Variants in GCKR observed in about 807,000 individuals in gnomAD.
GCKR encodes glucokinase regulatory protein.
A neutral mutation model predicts 82.9 loss-of-function variants in GCKR; 73 were observed. That is an observed-to-expected ratio of 0.88 (90% CI 0.73 to 1.07). The LOEUF (loss-of-function observed/expected upper bound fraction) is 1.07. Among genes scored for constraint, GCKR ranks in the 50% least tolerant of loss-of-function variants. GCKR has a pLI of 0.00. For synonymous variants in GCKR, 294 were observed against 291.8 expected, an observed-to-expected ratio of 1.01 and a Z score of -0.08; for missense variants, 784 against 782.1, an observed-to-expected ratio of 1.00 and a Z score of -0.03.
At chr2:27,497,195 G>C in intron 1 of GCKR, 49 bp from the exon 2 acceptor site, 1 of 1,610,166 alleles carries the variant, frequency 6.2e-7, no homozygotes, top group Non-Finnish European at 8.5e-7. Context: ...CAGCAGGCAT[G>C]AATGAGGCTT....
intron 16 of GCKR, among the ~76,000 whole-genome samples, chr2:27,517,677 G>A (rs1037240606): frequency 2.6e-5 from 4 of 152,078 alleles, no homozygotes; most frequent in African/African-American, 7.2e-5. Flanking sequence ...CCTTTACTGG[G>A]CCCCAGTTTC....
rs374733265 is a variant in GCKR, at chr2:27,523,206, G to A, written c.1708-63G>A. ...GAGCCACTGCGCCCGACCTTCCTCC[G>A]GGGTTCTTTCTCTGATGACCTCATT... On this transcript the variant is annotated intron_variant, in intron 18 of 18. Transcript: ENST00000264717. The A allele has an allele frequency of 4.9e-5, 71 of 1,441,260 alleles. No individual in the cohort carries two copies. The Admixed American group carries it at 5.2e-4, about 11-fold the overall frequency. The allele number at this position is 1,441,260 out of a possible 1,614,324, so 89.3% of individuals were successfully genotyped here.
chr2:27,506,680 A>C, intron 11 of GCKR, 101 bp downstream of exon 11: 1 of 1,094,326 alleles, frequency 9.1e-7, no homozygotes, highest in South Asian at 1.2e-5. Flanking sequence ...GGGCGATAGG[A>C]TTGCATGTTG....
intron 7 of GCKR, among the ~76,000 whole-genome samples, chr2:27,500,270 A>G (rs572851590): frequency 1.3e-5 from 2 of 151,980 alleles, no homozygotes; most frequent in Non-Finnish European, 2.9e-5. Context: ...TTGTATTTTC[A>G]GTAGAGACAG....
At chr2:27,511,597 G>A (rs1669882991) in intron 16 of GCKR, among the ~76,000 whole-genome samples, 1 of 151,852 alleles carries the variant, frequency 6.6e-6, no homozygotes, top group South Asian at 2.1e-4. Context: ...TAGTCGGGAG[G>A]CTGAGGCAGG....
intron 3 of GCKR, 105 bp from the exon 4 acceptor site, chr2:27,498,150 G>A: frequency 1.2e-6 from 1 of 867,850 alleles, no homozygotes. Context: ...TGAGAGGAGG[G>A]ATAAGGAGTC....
chr2:27,520,588 T>C (rs536254242), intron 17 of GCKR, among the ~76,000 whole-genome samples: 2 of 152,372 alleles, frequency 1.3e-5, no homozygotes, highest in East Asian at 3.8e-4. Context: ...CACATGTGGC[T>C]ATTGAGCACT....
intron 13 of GCKR, 181 bp from the exon 14 acceptor site, chr2:27,507,500 A>G (rs185580150): frequency 1.5e-6 from 1 of 680,084 alleles, no homozygotes; most frequent in Non-Finnish European, 2.6e-6. Context: ...CCAGTCCCCA[A>G]ACTTGGCCCT....
Position 27,512,593 on chromosome 2 carries a change from G to C in GCKR, c.1422+4342G>C, listed in dbSNP as rs532027580. Among the ~76,000 whole-genome samples, 47 of 151,640 alleles carry C rather than the reference G, an allele frequency of 3.1e-4. No homozygotes were observed. The South Asian group carries it at 9.8e-3, about 32-fold the overall frequency. On this transcript the variant is annotated intron_variant, in intron 16 of 18. Transcript: ENST00000264717. The stretch of plus-strand genomic sequence containing the variant: ...CCTGATATGTTATACTAATTACTTT[G>C]GTATGTGTCCTCTAAGAACAAGGGC...
chr2:27,499,037 A>G (rs1669500250), intron 5 of GCKR, 105 bp from the exon 6 acceptor site: 3 of 782,292 alleles, frequency 3.8e-6, no homozygotes, highest in Admixed American at 1.9e-5. Context: ...TGCTCATTCA[A>G]TGATAGTTTT....
At position 27,498,276 on chromosome 2, in the gene GCKR, G is replaced by A. The variant is rs146175795; in HGVS notation, c.307G>A (p.Val103Met). The change falls in exon 4 of 19, where the codon GTG (valine) becomes ATG (methionine). Residue 103 changes from valine (V) to methionine (M), a missense_variant. Val to Met is a conservative substitution (Grantham distance 21, BLOSUM62 1). Coordinates refer to ENST00000264717, the MANE Select transcript of GCKR (RefSeq NM_001486.4). ...TCAGGAGCCAGATGGGGGGCTGGTT[G>A]TGCTGAGTGGAGGGGGCACCTCTGG... ...VLKEPDGGLV[V>M]LSGGGTSGRM... 1,533 of 1,613,632 alleles carry A rather than the reference G, an allele frequency of 9.5e-4. 10 individuals carry two copies. The Admixed American group carries it at 0.014, about 15-fold the overall frequency.
intron 12 of GCKR, 125 bp from the exon 13 acceptor site, chr2:27,507,110 C>A: frequency 2.5e-6 from 2 of 803,988 alleles, no homozygotes; most frequent in Non-Finnish European, 4.5e-6. Context: ...CCCACAAGGG[C>A]TACTCCTCAC....
chr2:27,523,228 C>A, intron 18 of GCKR, 41 bp from the exon 19 acceptor site: 1 of 1,574,154 alleles, frequency 6.4e-7, no homozygotes, highest in African/African-American at 1.3e-5. Flanking sequence ...CTGATGACCT[C>A]ATTCCCTCAG....
chr2:27,497,136 G>A (rs1324586927), intron 1 of GCKR, 108 bp from the exon 2 acceptor site: 7 of 1,318,140 alleles, frequency 5.3e-6, no homozygotes, highest in East Asian at 2.3e-5. Flanking sequence ...ATGTGTGTGC[G>A]TGTGTGTAAG....
At chr2:27,517,047 T>C (rs1314997367) in intron 16 of GCKR, among the ~76,000 whole-genome samples, 1 of 149,822 alleles carries the variant, frequency 6.7e-6, no homozygotes, top group Non-Finnish European at 1.5e-5. Context: ...GGAGTCTCAT[T>C]CTGTCGCCAG....
At chr2:27,521,497 ATTTT>A (rs373060500) in intron 17 of GCKR, among the ~76,000 whole-genome samples, 3 of 136,304 alleles carry the variant, frequency 2.2e-5, no homozygotes, top group Non-Finnish European at 1.6e-5. Flanking sequence ...CACCCAGCTA[ATTTT>A]TTTTTTTTTT....
intron 8 of GCKR, among the ~76,000 whole-genome samples, chr2:27,502,123 G>T (rs1669598340): frequency 6.6e-6 from 1 of 152,184 alleles, no homozygotes; most frequent in Non-Finnish European, 1.5e-5. Flanking sequence ...GTATTTAGCG[G>T]TGGTCTTGGG....
At chr2:27,505,253 G>A (rs777699258) in intron 9 of GCKR, among the ~76,000 whole-genome samples, 5 of 150,428 alleles carry the variant, frequency 3.3e-5, no homozygotes, top group Middle Eastern at 3.4e-3. Flanking sequence ...AAAATTAGCC[G>A]GGCATGGTGG....
At position 27,523,321 on chromosome 2, in the gene GCKR, C is replaced by A. The variant is rs746141275; in HGVS notation, c.1760C>A (p.Ala587Asp). The part of the protein sequence containing the change: ...SLLFRCSITE[A>D]QAHLAAAPSV... ...CTATTCCGGTGCTCGATCACTGAGG[C>A]TCAGGCACACCTGGCTGCAGCTCCT... is the stretch of plus-strand genomic sequence containing the variant. Residue 587 changes from alanine (A) to aspartate (D), a missense_variant, in exon 19 of 19, where the codon GCT becomes GAT. By Grantham distance (126) the Ala-to-Asp change is moderately radical. Coordinates refer to ENST00000264717, the MANE Select transcript of GCKR (RefSeq NM_001486.4). The A allele has an allele frequency of 6.2e-7, 1 of 1,612,968 alleles. No individual in the cohort carries two copies. Among genetic ancestry groups the A allele is most frequent in the South Asian group, 1.1e-5 (1 of 91,068 alleles).
Sources: allele counts gnomAD v4.1 joint callset (sites outside exome capture counted in the v4.1 genomes callset), GRCh38; gene constraint gnomAD v4.1.1; transcripts MANE v1.5; gene names NCBI Gene and HGNC (gene_info 2026-07-23, HGNC 2026-07-21).